MMADHC: variants seen among roughly 807,000 people sequenced by gnomAD.
MMADHC encodes metabolism of cobalamin associated D.
A neutral mutation model predicts 36.3 loss-of-function variants in MMADHC; 23 were observed. That is an observed-to-expected ratio of 0.63 (90% CI 0.46 to 0.90). The LOEUF (loss-of-function observed/expected upper bound fraction) is 0.90. Ranked by LOEUF, MMADHC falls within the 40% of genes least tolerant of loss-of-function variation. The pLI is 0.00. For missense variants in MMADHC, 330 were observed against 348.0 expected, an observed-to-expected ratio of 0.95 and a Z score of 0.41; for synonymous variants, 97 against 116.1, an observed-to-expected ratio of 0.84 and a Z score of 1.06.
At chr2:149,576,601 GC>G in intron 4 of MMADHC, 59 bp from the exon 5 acceptor site, 1 of 1,187,824 alleles carries the variant, frequency 8.4e-7, no homozygotes, top group Non-Finnish European at 1.3e-6. Context: ...ACGGTATCTT[GC>G]CTGTTATAAA....
chr2:149,574,537 T>C (rs1376157543), intron 6 of MMADHC, among the ~76,000 whole-genome samples: 1 of 152,172 alleles, frequency 6.6e-6, no homozygotes, highest in Non-Finnish European at 1.5e-5. Context: ...AGTTAGTGAC[T>C]TGGGCCCCTT....
Position 149,569,906 on chromosome 2 carries a change from C to T in MMADHC, c.*68G>A, listed in dbSNP as rs1035340558. On this transcript the variant is annotated 3_prime_UTR_variant, in exon 8 of 8. Transcript: ENST00000303319. Reference sequence around the variant, plus strand: ...ATAAATATATTTTAAAAACTTTAGTCTGACAGTGTTTATAGATCAACCCAA... The same window carrying T: ...ATAAATATATTTTAAAAACTTTAGTTTGACAGTGTTTATAGATCAACCCAA... 7.2e-7 allele frequency: 1 copy of T among 1,385,138 alleles called. No homozygotes were observed. Among genetic ancestry groups the T allele is most frequent in the African/African-American group, 1.4e-5 (1 of 69,524 alleles). 85.8% of individuals were successfully genotyped at this position (1,385,138 alleles called of 1,614,324 possible). A position where few individuals can be genotyped will look rare whatever the true frequency, so the allele number is the denominator to read the frequency against.
chr2:149,576,595 T>C (rs1558846900), intron 4 of MMADHC, 53 bp from the exon 5 acceptor site: 3 of 1,224,482 alleles, frequency 2.5e-6, no homozygotes, highest in South Asian at 1.2e-5. Flanking sequence ...AATAAAACGG[T>C]ATCTTGCCTG....
intron 3 of MMADHC, among the ~76,000 whole-genome samples, chr2:149,580,487 T>G (rs1324573475): frequency 1.3e-5 from 2 of 151,968 alleles, no homozygotes; most frequent in Admixed American, 1.3e-4. Flanking sequence ...AAATCCTAAC[T>G]TATAAAAAAT....
At chr2:149,574,347 A>T (rs1682684347) in intron 6 of MMADHC, among the ~76,000 whole-genome samples, 1 of 152,206 alleles carries the variant, frequency 6.6e-6, no homozygotes, top group Non-Finnish European at 1.5e-5. Flanking sequence ...TATGCTTGTG[A>T]TTGTTAAAAA....
chr2:149,576,612 A>G (rs917058498), intron 4 of MMADHC, 70 bp from the exon 5 acceptor site: 1 of 1,078,932 alleles, frequency 9.3e-7, no homozygotes, highest in African/African-American at 1.6e-5. Context: ...CCTGTTATAA[A>G]CCTGTCTTCC....
chr2:149,571,855 T>C (rs1682645564), intron 6 of MMADHC, among the ~76,000 whole-genome samples: 1 of 151,906 alleles, frequency 6.6e-6, no homozygotes, highest in Non-Finnish European at 1.5e-5. Flanking sequence ...GAAACATTCA[T>C]TCGTTTAAAT....
chr2:149,583,632 C>T (rs1191109026), intron 2 of MMADHC, among the ~76,000 whole-genome samples: 1 of 152,136 alleles, frequency 6.6e-6, no homozygotes, highest in African/African-American at 2.4e-5. Flanking sequence ...GTGTGAAAAT[C>T]AGTTACCAGG....
At chr2:149,574,376 C>A (rs139510649) in intron 6 of MMADHC, among the ~76,000 whole-genome samples, 24 of 152,236 alleles carry the variant, frequency 1.6e-4, no homozygotes, top group African/African-American at 4.8e-4. Context: ...AATCTATTAG[C>A]AGTTATGTGA....
intron 6 of MMADHC, among the ~76,000 whole-genome samples, chr2:149,574,511 G>A (rs1682686655): frequency 6.6e-6 from 1 of 152,112 alleles, no homozygotes. Flanking sequence ...AATCACTAAA[G>A]GGATTTTTTA....
In MMADHC at chr2:149,587,115, G is replaced by T. The variant is rs146481160; in HGVS notation, c.-18C>A. 312 of 1,613,424 alleles carry T rather than the reference G, an allele frequency of 1.9e-4. 3 individuals are homozygous for T. The East Asian group carries it at 6.9e-3, about 36-fold the overall frequency. Reference sequence around the variant, plus strand: ...TTGGCCATCTCCGCTGGAGAAGATAGTTCGCAAAATAGCTTTCCTTTGGTA... The same window carrying T: ...TTGGCCATCTCCGCTGGAGAAGATATTTCGCAAAATAGCTTTCCTTTGGTA... On this transcript the variant is annotated 5_prime_UTR_variant, in exon 2 of 8. Transcript: ENST00000303319.
At chr2:149,575,950 T>A in intron 5 of MMADHC, 109 bp from the exon 6 acceptor site, 1 of 859,426 alleles carries the variant, frequency 1.2e-6, no homozygotes, top group Non-Finnish European at 1.8e-6. Flanking sequence ...TTAAGTAAAA[T>A]TACTGTGGTA....
At chr2:149,575,073 C>T (rs1040761594) in intron 6 of MMADHC, among the ~76,000 whole-genome samples, 3 of 152,058 alleles carry the variant, frequency 2.0e-5, no homozygotes, top group Admixed American at 2.0e-4. Context: ...GAATTACAGG[C>T]GTGAGCCACT....
chr2:149,572,997 C>T (rs778720950), intron 6 of MMADHC, among the ~76,000 whole-genome samples: 35 of 152,268 alleles, frequency 2.3e-4, no homozygotes, highest in Middle Eastern at 3.4e-3. Context: ...CTGGACACAG[C>T]CATGGCAATT....
rs1682708955 is a variant in MMADHC at position 149,575,851 on chromosome 2, A to T, written c.479-10T>A. On this transcript the variant is annotated splice_polypyrimidine_tract_variant and intron_variant, in intron 5 of 7. Coordinates refer to ENST00000303319, the MANE Select transcript of MMADHC (RefSeq NM_015702.3). ...AACAGTGATTCAAAATCTACAAATA[A>T]GAATAAACATTCCAGGTAGAAAAGA... The T allele has an allele frequency of 6.3e-7, 1 of 1,587,140 alleles. No homozygotes were observed. The highest frequency in any genetic ancestry group is 2.2e-5 in the East Asian group (1 of 44,522).
At chr2:149,586,136 G>A (rs1682865667) in intron 2 of MMADHC, among the ~76,000 whole-genome samples, 1 of 152,146 alleles carries the variant, frequency 6.6e-6, no homozygotes, top group South Asian at 2.1e-4. Flanking sequence ...TTCAATTACA[G>A]AAATAGCATC....
intron 6 of MMADHC, among the ~76,000 whole-genome samples, chr2:149,572,608 G>A (rs1682660859): frequency 6.6e-6 from 1 of 152,142 alleles, no homozygotes; most frequent in African/African-American, 2.4e-5. Context: ...GGTGTCACTG[G>A]AGCTGAGGAG....
chr2:149,582,281 A>T lies in MMADHC; in HGVS notation c.10-10T>A. The T allele has an allele frequency of 6.2e-7, 1 of 1,613,202 alleles. No homozygotes were observed. The highest frequency in any genetic ancestry group is 8.5e-7 in the Non-Finnish European group (1 of 1,179,408). ...CTCTGTTACAAAGCACCTAGAAATG[A>T]CACAAAATTAAAACTATTTGTTCTG... is the stretch of plus-strand genomic sequence containing the variant. On this transcript the variant is annotated splice_polypyrimidine_tract_variant and intron_variant, in intron 2 of 7. Coordinates refer to ENST00000303319, the MANE Select transcript of MMADHC (RefSeq NM_015702.3).
intron 4 of MMADHC, among the ~76,000 whole-genome samples, chr2:149,576,934 A>G (rs1682727024): frequency 6.6e-6 from 1 of 152,212 alleles, no homozygotes; most frequent in African/African-American, 2.4e-5. Context: ...AACTTACAAG[A>G]TACATGACTA....
Sources: gnomAD v4.1 joint callset for allele counts (sites outside exome capture counted in the v4.1 genomes callset) on GRCh38, gnomAD v4.1.1 for gene constraint, MANE v1.5 for transcripts, NCBI Gene and HGNC (gene_info 2026-07-23, HGNC 2026-07-21) for gene names.